Variants in ARHGAP8 observed in about 807,000 individuals in gnomAD.
ARHGAP8 encodes Rho GTPase activating protein 8, also known as rho GTPase-activating protein 8.
A neutral mutation model predicts 46.1 loss-of-function variants in ARHGAP8; 62 were observed. That is an observed-to-expected ratio of 1.34 (90% CI 1.10 to 1.66). The LOEUF (loss-of-function observed/expected upper bound fraction) is 1.66. ARHGAP8 is among the 40% of genes most tolerant of loss of function. The pLI is 0.00. For synonymous variants in ARHGAP8, 375 were observed against 243.1 expected, an observed-to-expected ratio of 1.54 and a Z score of -5.05; for missense variants, 923 against 568.4, an observed-to-expected ratio of 1.62 and a Z score of -6.34.
At position 44,858,151 on chromosome 22, in the gene ARHGAP8, C is replaced by G. The variant is rs190521695; in HGVS notation, c.878-1580C>G. On this transcript the variant is annotated intron_variant, in intron 10 of 11. Transcript: ENST00000356099. ...TTATTAAGAAGCCAACAGGAATGAT[C>G]ATAGTGGGGAGTCTTGTGTCCTGGC... Among the ~76,000 whole-genome samples, 321 of 152,292 alleles carry G rather than the reference C, an allele frequency of 2.1e-3. 2 individuals carry two copies. Among genetic ancestry groups the G allele is most frequent in the Admixed American group, 2.3e-3 (35 of 15,298 alleles).
intron 10 of ARHGAP8, among the ~76,000 whole-genome samples, chr22:44,859,393 C>T (rs182207421): frequency 5.9e-5 from 9 of 152,316 alleles, no homozygotes; most frequent in African/African-American, 1.9e-4. Context: ...CCACGTGATG[C>T]ACCTCCTTCC....
At chr22:44,851,295 A>G (rs5766105) in intron 10 of ARHGAP8, among the ~76,000 whole-genome samples, 53,892 of 152,098 alleles carry the variant, frequency 0.35, 11,247 homozygotes, top group African/African-American at 0.59. Context: ...CATTGGTGGG[A>G]ACCCTGTAAC....
chr22:44,770,225 C>T (rs570061845), intron 1 of ARHGAP8, among the ~76,000 whole-genome samples: 2 of 152,108 alleles, frequency 1.3e-5, no homozygotes, highest in East Asian at 1.9e-4. Context: ...GCCTGGGCAA[C>T]AGAGCGAGAC....
intron 7 of ARHGAP8, among the ~76,000 whole-genome samples, chr22:44,835,137 A>G (rs1348270002): frequency 6.6e-6 from 1 of 151,706 alleles, no homozygotes; most frequent in Non-Finnish European, 1.5e-5. Flanking sequence ...TGTTTTCTAT[A>G]TGTCTTTTTT....
intron 10 of ARHGAP8, among the ~76,000 whole-genome samples, chr22:44,852,226 G>GGT (rs1372844976): frequency 4.0e-5 from 6 of 150,268 alleles, no homozygotes; most frequent in Non-Finnish European, 7.4e-5. Flanking sequence ...AAGGAAGGGA[G>GGT]GAAGGAAGGT....
rs371435174 is a variant in ARHGAP8 at position 44,764,033 on chromosome 22, C to T, written c.-72+11406C>T. On this transcript the variant is annotated intron_variant, in intron 1 of 11. Coordinates refer to ENST00000356099, the MANE Select transcript of ARHGAP8 (RefSeq NM_181335.3). ...TTCACCGTGTTAGCCAGGATGGTCTCGATCTCCTGACCTCATGATCCGCCC... is the reference window on the plus strand; with the variant it reads ...TTCACCGTGTTAGCCAGGATGGTCTTGATCTCCTGACCTCATGATCCGCCC... 2.8e-4 allele frequency among the ~76,000 whole-genome samples: 43 copies of T among 152,108 alleles called. 1 individual carries two copies. The South Asian group carries it at 7.9e-3, about 28-fold the overall frequency.
At chr22:44,829,936 C>A (rs1930819649) in intron 7 of ARHGAP8, among the ~76,000 whole-genome samples, 1 of 151,718 alleles carries the variant, frequency 6.6e-6, no homozygotes, top group Non-Finnish European at 1.5e-5. Context: ...CTGGGGGAGG[C>A]AGGTACAGGG....
At chr22:44,838,363 C>A (rs1395297022) in intron 7 of ARHGAP8, among the ~76,000 whole-genome samples, 1 of 152,194 alleles carries the variant, frequency 6.6e-6, no homozygotes, top group African/African-American at 2.4e-5. Context: ...GTCTCGAACT[C>A]CTGACCTCGT....
intron 1 of ARHGAP8, 51 bp from the exon 2 acceptor site, chr22:44,786,406 C>A: frequency 1.3e-6 from 2 of 1,539,508 alleles, no homozygotes; most frequent in East Asian, 2.4e-5. Flanking sequence ...CTCCCTCATT[C>A]CCCGCCTTAC....
chr22:44,816,692 C>G (rs1929765803), intron 5 of ARHGAP8, among the ~76,000 whole-genome samples: 1 of 151,620 alleles, frequency 6.6e-6, no homozygotes, highest in Non-Finnish European at 1.5e-5. Flanking sequence ...GTGGTCCCAG[C>G]TACACGGGAG....
intron 1 of ARHGAP8, among the ~76,000 whole-genome samples, chr22:44,757,520 G>A (rs930482582): frequency 3.3e-5 from 5 of 151,708 alleles, no homozygotes; most frequent in African/African-American, 7.3e-5. Flanking sequence ...CAGGTGATCC[G>A]CCCGCCTTGG....
chr22:44,851,403 A>ATTT (rs2070090437), intron 10 of ARHGAP8, among the ~76,000 whole-genome samples: 1 of 151,864 alleles, frequency 6.6e-6, no homozygotes. Context: ...ATATTTATTT[A>ATTT]TTTATTTATT....
intron 11 of ARHGAP8, 34 bp from the exon 12 acceptor site, chr22:44,862,225 CCGTGCCCCTTGGTGTT>C (rs1324629673): frequency 6.5e-7 from 1 of 1,533,980 alleles, no homozygotes; most frequent in African/African-American, 1.5e-5. Flanking sequence ...TTCCAGGTGC[CCGTGCCCCTTGGTGTT>C]CACTCCCCTT....
chr22:44,758,277 C>T (rs1402723439), intron 1 of ARHGAP8, among the ~76,000 whole-genome samples: 3 of 152,106 alleles, frequency 2.0e-5, no homozygotes, highest in African/African-American at 7.2e-5. Flanking sequence ...GGTGAATTAG[C>T]TACTTGTGGT....
intron 7 of ARHGAP8, among the ~76,000 whole-genome samples, chr22:44,842,449 T>A (rs6006890): frequency 0.073 from 11,088 of 152,254 alleles, 640 homozygotes; most frequent in African/African-American, 0.15. Flanking sequence ...ATAGATTCAC[T>A]GGATCAAACA....
chr22:44,837,721 AC>A (rs1931382618), intron 7 of ARHGAP8, among the ~76,000 whole-genome samples: 1 of 152,038 alleles, frequency 6.6e-6, no homozygotes, highest in Non-Finnish European at 1.5e-5. Context: ...GGGAGGAGAA[AC>A]CCAAATTGTG....
At chr22:44,851,656 T>C (rs1448154263) in intron 10 of ARHGAP8, among the ~76,000 whole-genome samples, 1 of 151,988 alleles carries the variant, frequency 6.6e-6, no homozygotes, top group Non-Finnish European at 1.5e-5. Context: ...CTGGGAAACA[T>C]AGTGAGACCC....
At chr22:44,780,021 G>T (rs2147033351) in intron 1 of ARHGAP8, among the ~76,000 whole-genome samples, 1 of 152,330 alleles carries the variant, frequency 6.6e-6, no homozygotes, top group Admixed American at 6.5e-5. Flanking sequence ...CCAAGAGGTG[G>T]CAGCAGGTGT....
At chr22:44,857,929 A>ATTTC (rs10685889) in intron 10 of ARHGAP8, among the ~76,000 whole-genome samples, 56,614 of 131,478 alleles carry the variant, frequency 0.43, 10,851 homozygotes, top group African/African-American at 0.47. Context: ...GCCAGCAGGT[A>ATTTC]TTCTCAGAGG....
Sources: gnomAD v4.1 joint callset for allele counts (sites outside exome capture counted in the v4.1 genomes callset) on GRCh38, gnomAD v4.1.1 for gene constraint, MANE v1.5 for transcripts, NCBI Gene and HGNC (gene_info 2026-07-23, HGNC 2026-07-21) for gene names.